Variants in ROBO1 observed in about 807,000 individuals in gnomAD.
ROBO1 encodes the protein roundabout homolog 1.
A neutral mutation model predicts 195.9 loss-of-function variants in ROBO1; 149 were observed. The ratio of observed to expected loss-of-function variants is 0.76; its 90% CI spans 0.67 to 0.87. The LOEUF is 0.87. ROBO1 is among the 40% of genes least tolerant of loss of function. ROBO1 has a pLI of 0.00. For synonymous variants in ROBO1, 816 were observed against 733.2 expected (o/e 1.11, Z -1.82); for missense variants, 1,933 against 2,068.3 (o/e 0.93, Z 1.27).
At chr3:79,560,558 T>TATATATACAC (rs5850439) in intron 2 of ROBO1, among the ~76,000 whole-genome samples, 322 of 129,686 alleles carry the variant, frequency 2.5e-3, no homozygotes, top group East Asian at 0.016. Flanking sequence ...TATATATATA[T>TATATATACAC]ACACATACAC....
chr3:79,135,724 G>C (rs967172795), intron 2 of ROBO1, among the ~76,000 whole-genome samples: 1 of 151,068 alleles, frequency 6.6e-6, no homozygotes, highest in African/African-American at 2.4e-5. Context: ...CGCAACTTTC[G>C]CCTCCTGGGT....
intron 1 of ROBO1, among the ~76,000 whole-genome samples, chr3:79,644,769 A>C (rs1354296505): frequency 6.6e-6 from 1 of 152,144 alleles, no homozygotes; most frequent in African/African-American, 2.4e-5. Flanking sequence ...CATTATTTTC[A>C]TCAGTACATG....
chr3:79,316,770 G>A (rs758380505), intron 2 of ROBO1, among the ~76,000 whole-genome samples: 1 of 151,802 alleles, frequency 6.6e-6, no homozygotes, highest in African/African-American at 2.4e-5. Context: ...GCATTTTTTT[G>A]TATTTTGATT....
intron 2 of ROBO1, among the ~76,000 whole-genome samples, chr3:79,205,053 C>T (rs910466291): frequency 2.0e-5 from 3 of 152,020 alleles, no homozygotes; most frequent in Admixed American, 6.6e-5. Context: ...ACTGCAGTGG[C>T]GTGATCATGG....
intron 4 of ROBO1, among the ~76,000 whole-genome samples, chr3:78,861,137 C>G (rs1027123867): frequency 1.3e-5 from 2 of 152,166 alleles, no homozygotes; most frequent in Admixed American, 6.5e-5. Context: ...CCATGAACAT[C>G]TGTATTAAAT....
chr3:78,693,405 A>T, intron 8 of ROBO1: 1 of 1,327,034 alleles, frequency 7.5e-7, no homozygotes, highest in Non-Finnish European at 1.1e-6. Context: ...AAATAAGGAA[A>T]CATAAAATGA....
chr3:79,398,730 C>T (rs373264020), intron 2 of ROBO1, among the ~76,000 whole-genome samples: 9 of 152,064 alleles, frequency 5.9e-5, no homozygotes, highest in East Asian at 5.8e-4. Context: ...AATTTCTCTC[C>T]GGTAATTACA....
Position 79,745,833 on chromosome 3 carries a change from AGTTT to A in ROBO1, c.-51+21915_-51+21918del, listed in dbSNP as rs1370429211. On this transcript the variant is annotated intron_variant, in intron 1 of 30. Transcript: ENST00000464233. ...TATACAATTGGCTTAAGGTCAAGTT[AGTTT>A]ATTCTTTTTTTCTTCATTTGTGGCT... Among the ~76,000 whole-genome samples, 4 of 152,232 alleles carry A rather than the reference AGTTT, an allele frequency of 2.6e-5. No individual in the cohort carries two copies. In the East Asian group the frequency reaches 7.7e-4, roughly 29 times the overall value.
chr3:79,592,284 T>C (rs1255197280), intron 1 of ROBO1, among the ~76,000 whole-genome samples: 1 of 151,976 alleles, frequency 6.6e-6, no homozygotes, highest in Non-Finnish European at 1.5e-5. Context: ...TATAATTGAT[T>C]GAATTCCCCC....
intron 2 of ROBO1, among the ~76,000 whole-genome samples, chr3:79,243,274 A>C (rs1490521760): frequency 6.6e-6 from 1 of 152,086 alleles, no homozygotes; most frequent in African/African-American, 2.4e-5. Context: ...TGCTATTGTG[A>C]ATAGTGCCGC....
intron 2 of ROBO1, among the ~76,000 whole-genome samples, chr3:79,157,229 G>T (rs2108653991): frequency 6.6e-6 from 1 of 151,844 alleles, no homozygotes. Context: ...GCAATGATTT[G>T]GTGAGCACAT....
intron 1 of ROBO1, among the ~76,000 whole-genome samples, chr3:79,696,415 TG>T (rs1398636689): frequency 2.0e-5 from 3 of 149,858 alleles, no homozygotes; most frequent in Non-Finnish European, 4.5e-5. Flanking sequence ...ATCTATAACT[TG>T]GCATAAGTGA....
At chr3:79,745,011 C>G (rs1703812386) in intron 1 of ROBO1, among the ~76,000 whole-genome samples, 2 of 152,022 alleles carry the variant, frequency 1.3e-5, no homozygotes, top group South Asian at 4.2e-4. Context: ...ATGATTATTC[C>G]TATTCAAACC....
chr3:79,610,344 G>T (rs1467391250), intron 1 of ROBO1, among the ~76,000 whole-genome samples: 4 of 143,704 alleles, frequency 2.8e-5, no homozygotes, highest in African/African-American at 9.9e-5. Context: ...AATAATAAGA[G>T]TTAAGTGAAC....
intron 1 of ROBO1, among the ~76,000 whole-genome samples, chr3:79,725,416 C>T (rs941720284): frequency 1.3e-5 from 2 of 151,464 alleles, no homozygotes; most frequent in African/African-American, 2.4e-5. Flanking sequence ...TTAGTAGAGA[C>T]GAGGTTTCAC....
chr3:78,600,300 A>T lies in ROBO1; in HGVS notation c.4754T>A (p.Leu1585Gln). ...AKTHLIQEDI[L>Q]PYCRPTFPTS... is the part of the protein sequence containing the mutation. ...TGGAAAAGTAGGTCTACAATAAGGT[A>T]GAATATCCTCTGTGTAATGAAATAT... The change falls in exon 30 of 31, where the codon CTA becomes CAA. Residue 1585 changes from leucine (L) to glutamine (Q), a missense_variant. Transcript: ENST00000464233. The T allele has an allele frequency of 6.2e-7, 1 of 1,602,170 alleles. No individual in the cohort carries two copies. The highest frequency in any genetic ancestry group is 8.6e-7 in the Non-Finnish European group (1 of 1,169,370).
intron 26 of ROBO1, among the ~76,000 whole-genome samples, chr3:78,619,303 T>C (rs3773201): frequency 0.69 from 105,033 of 151,556 alleles, 36,519 homozygotes; most frequent in Middle Eastern, 0.82. Context: ...TCTGGTGACC[T>C]CCACAGCTTG....
chr3:79,537,346 G>A (rs558044151), intron 2 of ROBO1, among the ~76,000 whole-genome samples: 9 of 152,224 alleles, frequency 5.9e-5, no homozygotes, highest in African/African-American at 1.9e-4. Flanking sequence ...GAGGGCATGG[G>A]AACGTGCAGG....
intron 1 of ROBO1, among the ~76,000 whole-genome samples, chr3:79,739,106 G>A (rs1306020030): frequency 6.6e-6 from 1 of 152,178 alleles, no homozygotes; most frequent in Non-Finnish European, 1.5e-5. Flanking sequence ...ATGTTTGTTA[G>A]CAGGATGTAA....
Sources: gnomAD v4.1 joint callset for allele counts (sites outside exome capture counted in the v4.1 genomes callset) on GRCh38, gnomAD v4.1.1 for gene constraint, MANE v1.5 for transcripts, NCBI Gene and HGNC (gene_info 2026-07-23, HGNC 2026-07-21) for gene names.